ABCB1: variants seen among roughly 807,000 people sequenced by gnomAD.
The protein encoded by ABCB1 is ATP binding cassette subfamily B member 1, also known as ATP-dependent translocase ABCB1.
A neutral mutation model predicts 142.0 loss-of-function variants in ABCB1; 69 were observed. The observed-to-expected ratio is 0.49, with a 90% CI of 0.40 to 0.59. The LOEUF is 0.59. Ranked by LOEUF, ABCB1 falls within the 20% of genes least tolerant of loss-of-function variation. The pLI is 0.00. For synonymous variants in ABCB1, 532 were observed against 539.2 expected, an observed-to-expected ratio of 0.99 and a Z score of 0.18; for missense variants, 1,326 against 1,554.7, an observed-to-expected ratio of 0.85 and a Z score of 2.47.
chr7:87,544,800 A>G, intron 16 of ABCB1, 23 bp downstream of exon 16: 6 of 1,613,638 alleles, frequency 3.7e-6, no homozygotes, highest in Non-Finnish European at 5.1e-6. Context: ...AGATTAAAAC[A>G]AACTCCGCAT....
Position 87,619,741 on chromosome 7 carries a change from A to C in ABCB1, c.-330-18663T>G, listed in dbSNP as rs60191129. 2.3e-3 allele frequency among the ~76,000 whole-genome samples: 347 copies of C among 148,220 alleles called. 2 individuals are homozygous for C. The highest frequency in any genetic ancestry group is 8.6e-3 in the African/African-American group (338 of 39,284). ...TTATTTTTATATATACACACACACA[A>C]ACACATGTGTGTGTGTGTGTGTGTA... On this transcript the variant is annotated intron_variant, in intron 1 of 28. Transcript: ENST00000265724.
intron 18 of ABCB1, among the ~76,000 whole-genome samples, chr7:87,539,939 T>C (rs961119009): frequency 6.6e-6 from 1 of 152,188 alleles, no homozygotes; most frequent in Non-Finnish European, 1.5e-5. Flanking sequence ...AAATTTACAT[T>C]GAGCAATCTT....
Position 87,600,615 on chromosome 7 carries a change from G to T in ABCB1, c.-7+140C>A, listed in dbSNP as rs28381802. 1,339 of 248,960 alleles carry T rather than the reference G, an allele frequency of 5.4e-3. 20 individuals are homozygous for T. The highest frequency in any genetic ancestry group is 0.049 in the East Asian group (517 of 10,516). 15.4% of individuals were successfully genotyped at this position (248,960 alleles called of 1,614,324 possible). A position where few individuals can be genotyped will look rare whatever the true frequency, so the allele number is the denominator to read the frequency against. On this transcript the variant is annotated intron_variant, in intron 1 of 27. Coordinates refer to ENST00000622132, the MANE Select transcript of ABCB1 (RefSeq NM_001348946.2). ...CTGAGTCTAGATCTAACCCCACTTG[G>T]TCCCCATGGACTTGCCAGAGGACTT...
At chr7:87,610,232 C>CTTTTTTTTTTTTTTTTTTTTTTTTT in intron 1 of ABCB1, among the ~76,000 whole-genome samples, 1 of 117,056 alleles carries the variant, frequency 8.5e-6, no homozygotes, top group Non-Finnish European at 1.8e-5. Flanking sequence ...CTTTTTCTTT[C>CTTTTTTTTTTTTTTTTTTTTTTTTT]TTTTTTTTTT....
chr7:87,710,568 A>G, intron 1 of ABCB1: 1 of 1,537,640 alleles, frequency 6.5e-7, no homozygotes. Context: ...TCTTCCTTTT[A>G]GGGTAGAGCC....
intron 4 of ABCB1, among the ~76,000 whole-genome samples, chr7:87,574,046 T>G (rs893122622): frequency 3.9e-5 from 6 of 152,070 alleles, no homozygotes; most frequent in African/African-American, 7.2e-5. Context: ...AATAAGTAGT[T>G]GAGAATTGCT....
intron 1 of ABCB1, among the ~76,000 whole-genome samples, chr7:87,636,213 C>T (rs1821755656): frequency 6.6e-6 from 1 of 152,118 alleles, no homozygotes; most frequent in Admixed American, 6.5e-5. Context: ...TGTAGGAGTT[C>T]CAGTTGTTCT....
intron 1 of ABCB1, among the ~76,000 whole-genome samples, chr7:87,653,749 G>C (rs1323881162): frequency 6.6e-6 from 1 of 151,568 alleles, no homozygotes; most frequent in African/African-American, 2.4e-5. Flanking sequence ...TTTCTCCCAG[G>C]TAAGGTATTG....
At chr7:87,637,007 G>A (rs1821838331) in intron 1 of ABCB1, among the ~76,000 whole-genome samples, 1 of 152,130 alleles carries the variant, frequency 6.6e-6, no homozygotes, top group African/African-American at 2.4e-5. Context: ...AGCAAAGGGG[G>A]AAGCCCCTTA....
rs1563079564 is a variant in ABCB1 at position 87,626,104 on chromosome 7, ATATATATGTG to A, written c.-330-25036_-330-25027del. ...TATATATATATATATATATATTGTC[ATATATATGTG>A]TCATATATATTGTCATATATATGTG... is the stretch of plus-strand genomic sequence containing the variant. On this transcript the variant is annotated intron_variant, in intron 1 of 28. Coordinates refer to the ABCB1 transcript ENST00000265724. Among the ~76,000 whole-genome samples, 47 of 134,912 alleles carry A rather than the reference ATATATATGTG, an allele frequency of 3.5e-4. 4 individuals carry two copies. Among genetic ancestry groups the A allele is most frequent in the African/African-American group, 1.1e-3 (40 of 35,588 alleles). The allele number at this position is 134,912 out of a possible 152,430, so 88.5% of individuals were successfully genotyped here.
At chr7:87,708,245 C>G (rs1009090788) in intron 1 of ABCB1, among the ~76,000 whole-genome samples, 2 of 151,902 alleles carry the variant, frequency 1.3e-5, no homozygotes, top group African/African-American at 4.8e-5. Context: ...AAGCTTCTAG[C>G]AAGACTATTC....
At position 87,509,433 on chromosome 7, in the gene ABCB1, C is replaced by T. The variant is rs1293871816; in HGVS notation, c.3331G>A (p.Ala1111Thr). ...TCCTGGGACACGATGCCCAGGTGTG[C>T]TCGGAGCCACTGAACATTCAGTCGC... The part of the protein sequence containing the change: ...IKRLNVQWLR[A>T]HLGIVSQEPI... Residue 1111 changes from alanine (A) to threonine (T), a missense_variant, in exon 26 of 28, where the codon GCA becomes ACA. Ala to Thr is a moderately conservative substitution (Grantham distance 58). Coordinates refer to ENST00000622132, the MANE Select transcript of ABCB1 (RefSeq NM_001348946.2). The T allele has an allele frequency of 6.2e-6, 10 of 1,614,058 alleles. No homozygotes were observed. Among genetic ancestry groups the T allele is most frequent in the Non-Finnish European group, 8.5e-6 (10 of 1,180,040 alleles).
At chr7:87,628,705 T>C (rs370491557) in intron 1 of ABCB1, 26 of 589,564 alleles carry the variant, frequency 4.4e-5, no homozygotes, top group African/African-American at 4.4e-4. Context: ...CCCTCCAGGC[T>C]CCTTTCCTAC....
intron 1 of ABCB1, among the ~76,000 whole-genome samples, chr7:87,620,874 T>A (rs563608998): frequency 6.6e-6 from 1 of 152,144 alleles, no homozygotes; most frequent in South Asian, 2.1e-4. Context: ...CAAAAATGTA[T>A]AGCTTTCCTG....
intron 1 of ABCB1, chr7:87,710,579 TG>T: frequency 6.3e-7 from 1 of 1,579,290 alleles, no homozygotes; most frequent in South Asian, 1.2e-5. Context: ...GGGTAGAGCC[TG>T]GATCAGAGTA....
chr7:87,675,653 C>CAAAAAAAAAAAAAAAAAAAAAAA (rs200136132), intron 1 of ABCB1, among the ~76,000 whole-genome samples: 1 of 65,852 alleles, frequency 1.5e-5, no homozygotes, highest in Non-Finnish European at 3.3e-5. Context: ...TATTCACATG[C>CAAAAAAAAAAAAAAAAAAAAAAA]AAAAAAAAAA....
At chr7:87,711,422 T>A (rs1488274143) in intron 1 of ABCB1, among the ~76,000 whole-genome samples, 5 of 152,000 alleles carry the variant, frequency 3.3e-5, no homozygotes, top group Non-Finnish European at 7.4e-5. Context: ...AAACCATTGT[T>A]TTTCTTGGAT....
chr7:87,644,225 CT>C (rs1822753625), intron 1 of ABCB1, among the ~76,000 whole-genome samples: 1 of 152,170 alleles, frequency 6.6e-6, no homozygotes, highest in East Asian at 1.9e-4. Context: ...GAAAATAGGC[CT>C]TCCAGTGAAC....
rs7784510 is a variant in ABCB1, at chr7:87,668,252, A to C, written c.-331+44909T>G. 3.3e-3 allele frequency among the ~76,000 whole-genome samples: 493 copies of C among 151,532 alleles called. 3 individuals are homozygous for C. The highest frequency in any genetic ancestry group is 0.011 in the African/African-American group (464 of 41,274). ...GTCCAGGAATTTACTCATCTCTTCT[A>C]GGTTTTCTAGTTTGTGTATGTAGAG... On this transcript the variant is annotated intron_variant, in intron 1 of 28. Coordinates refer to the ABCB1 transcript ENST00000265724.
Sources: allele counts gnomAD v4.1 joint callset (sites outside exome capture counted in the v4.1 genomes callset), GRCh38; gene constraint gnomAD v4.1.1; transcripts MANE v1.5; gene names NCBI Gene and HGNC (gene_info 2026-07-23, HGNC 2026-07-21).